The following MTMR7 variants were observed in gnomAD, a reference collection of about 807,000 sequenced individuals.
MTMR7 encodes the protein phosphatidylinositol-3-phosphate phosphatase MTMR7.
MTMR7 carries 76 observed loss-of-function variants against 81.2 expected under a neutral mutation model. The ratio of observed to expected loss-of-function variants is 0.94; its 90% CI spans 0.78 to 1.13. The LOEUF is 1.13. Ranked by LOEUF, MTMR7 falls within the 50% of genes most tolerant of loss-of-function variation. The probability of loss-of-function intolerance (pLI) is 0.00; values close to 1 mark genes in which losing one functional copy is unlikely to be tolerated. For synonymous variants in MTMR7, 372 were observed against 289.8 expected (o/e 1.28, Z -2.88); for missense variants, 1,044 against 820.0 (o/e 1.27, Z -3.34).
chr8:17,371,991 C>G (rs1242825943), intron 2 of MTMR7, among the ~76,000 whole-genome samples: 3 of 150,882 alleles, frequency 2.0e-5, no homozygotes, highest in African/African-American at 7.3e-5. Flanking sequence ...CTTTTGGAAA[C>G]TTTGTGCCCT....
chr8:17,322,927 C>G (rs1003554857), intron 7 of MTMR7, among the ~76,000 whole-genome samples: 1 of 150,560 alleles, frequency 6.6e-6, no homozygotes, highest in Non-Finnish European at 1.5e-5. Context: ...TCACAACCTC[C>G]CATCTAGAGT....
At chr8:17,384,086 A>G (rs1820850632) in intron 1 of MTMR7, among the ~76,000 whole-genome samples, 1 of 152,164 alleles carries the variant, frequency 6.6e-6, no homozygotes, top group Non-Finnish European at 1.5e-5. Flanking sequence ...AGAGAGGGGA[A>G]AAAAGCATAC....
At chr8:17,406,444 C>G (rs529288685) in intron 1 of MTMR7, among the ~76,000 whole-genome samples, 2 of 152,056 alleles carry the variant, frequency 1.3e-5, no homozygotes, top group South Asian at 2.1e-4. Flanking sequence ...GATGAGATAC[C>G]ACTTCACACC....
chr8:17,367,114 A>G (rs1820251607), intron 3 of MTMR7, among the ~76,000 whole-genome samples: 1 of 152,190 alleles, frequency 6.6e-6, no homozygotes, highest in Non-Finnish European at 1.5e-5. Context: ...AAGATTGCTT[A>G]AACATCAATG....
intron 4 of MTMR7, among the ~76,000 whole-genome samples, chr8:17,351,204 G>A (rs1469814198): frequency 1.3e-5 from 2 of 152,194 alleles, no homozygotes; most frequent in African/African-American, 4.8e-5. Flanking sequence ...ATTCTTCCTT[G>A]TAACAACACT....
In MTMR7 at chr8:17,402,210, G is replaced by C. The variant is rs190721755; in HGVS notation, c.24+11059C>G. ...CACATCATGGTAAATGGGGTATCTA[G>C]CTCCTGAAACGTTTATTCTTTGTGT... On this transcript the variant is annotated intron_variant, in intron 1 of 13. Coordinates refer to ENST00000180173, the MANE Select transcript of MTMR7 (RefSeq NM_004686.5). 5.8e-4 allele frequency among the ~76,000 whole-genome samples: 89 copies of C among 152,152 alleles called. No individual in the cohort carries two copies. The East Asian group carries it at 7.5e-3, about 13-fold the overall frequency.
chr8:17,325,558 C>G (rs1818638591), intron 7 of MTMR7, among the ~76,000 whole-genome samples: 1 of 152,216 alleles, frequency 6.6e-6, no homozygotes, highest in Non-Finnish European at 1.5e-5. Context: ...CAGTCCCTGA[C>G]CGTACGATCG....
chr8:17,399,990 T>G (rs1233324000), intron 1 of MTMR7, among the ~76,000 whole-genome samples: 1 of 152,190 alleles, frequency 6.6e-6, no homozygotes, highest in Non-Finnish European at 1.5e-5. Flanking sequence ...CTATATACAT[T>G]TTAAAGATTT....
At chr8:17,352,596 C>A (rs537838317) in intron 4 of MTMR7, among the ~76,000 whole-genome samples, 1 of 152,074 alleles carries the variant, frequency 6.6e-6, no homozygotes, top group South Asian at 2.1e-4. Flanking sequence ...AAATACTAGA[C>A]AAATGGAACC....
rs1415864821 is a variant in MTMR7 at position 17,341,373 on chromosome 8, G to T, written c.722C>A (p.Thr241Asn). Residue 241 changes from threonine (T) to asparagine (N), a missense_variant, in exon 6 of 14, where the codon ACC (threonine) becomes AAC (asparagine). By Grantham distance (65) the Thr-to-Asn change is moderately conservative. Transcript: ENST00000180173. ...PGSDFVYVVDTRPKLNAMANR... is the reference protein window; with the variant it reads ...PGSDFVYVVDNRPKLNAMANR... ...AACGGTGACACTTACTTTAGGCCGG[G>T]TGTCAACGACATAAACGAAGTCACT... 6.2e-7 allele frequency: 1 copy of T among 1,614,150 alleles called. No homozygotes were observed. Among genetic ancestry groups the T allele is most frequent in the Non-Finnish European group, 8.5e-7 (1 of 1,179,982 alleles).
intron 1 of MTMR7, among the ~76,000 whole-genome samples, chr8:17,412,564 C>A (rs1395452282): frequency 6.6e-6 from 1 of 152,176 alleles, no homozygotes; most frequent in Non-Finnish European, 1.5e-5. Flanking sequence ...TGTTAATTTA[C>A]TGGAGTGATC....
chr8:17,396,711 C>A (rs1025055788), intron 1 of MTMR7, among the ~76,000 whole-genome samples: 1 of 152,010 alleles, frequency 6.6e-6, no homozygotes, highest in Non-Finnish European at 1.5e-5. Context: ...AGTCAGCGGA[C>A]TGGGGTAGCG....
chr8:17,395,484 G>A (rs556455631), intron 1 of MTMR7, among the ~76,000 whole-genome samples: 5 of 152,258 alleles, frequency 3.3e-5, no homozygotes, highest in African/African-American at 1.2e-4. Context: ...AACTTTTTGA[G>A]AAACTACCAA....
intron 5 of MTMR7, among the ~76,000 whole-genome samples, chr8:17,345,228 C>A (rs1391555082): frequency 6.6e-6 from 1 of 152,234 alleles, no homozygotes. Context: ...AGTTCCCTGC[C>A]ACGCTCTGCT....
At chr8:17,377,944 T>C (rs1401892264) in intron 1 of MTMR7, among the ~76,000 whole-genome samples, 5 of 152,336 alleles carry the variant, frequency 3.3e-5, no homozygotes, top group Admixed American at 1.3e-4. Flanking sequence ...GAGATAATCA[T>C]ATTGAGCATA....
At position 17,401,199 on chromosome 8, in the gene MTMR7, T is replaced by C. The variant is rs117524452; in HGVS notation, c.24+12070A>G. Among the ~76,000 whole-genome samples the C allele has an allele frequency of 3.2e-3, 492 of 152,106 alleles. 1 individual carries two copies. Among genetic ancestry groups the C allele is most frequent in the Middle Eastern group, 6.8e-3 (2 of 294 alleles). ...GGTAAAGTATGTTGGTTGAGGTGAGTTAGGATTGTTATTTTATATGTGATG... is the reference window on the plus strand; with the variant it reads ...GGTAAAGTATGTTGGTTGAGGTGAGCTAGGATTGTTATTTTATATGTGATG... On this transcript the variant is annotated intron_variant, in intron 1 of 13. Transcript: ENST00000180173.
chr8:17,372,542 C>A (rs181605494), intron 2 of MTMR7, among the ~76,000 whole-genome samples: 1 of 151,932 alleles, frequency 6.6e-6, no homozygotes, highest in Non-Finnish European at 1.5e-5. Flanking sequence ...GAGCTGAGAT[C>A]GCATCACTGC....
intron 1 of MTMR7, among the ~76,000 whole-genome samples, chr8:17,412,807 C>T (rs954708953): frequency 6.6e-6 from 1 of 152,174 alleles, no homozygotes; most frequent in Non-Finnish European, 1.5e-5. Flanking sequence ...GCCGGGTGGG[C>T]CTGACACCCT....
At chr8:17,325,638 C>A (rs1336426420) in intron 7 of MTMR7, among the ~76,000 whole-genome samples, 2 of 152,198 alleles carry the variant, frequency 1.3e-5, no homozygotes, top group African/African-American at 4.8e-5. Context: ...GCTCCACTGT[C>A]AGGCTAAGAT....
Sources: allele counts gnomAD v4.1 joint callset (sites outside exome capture counted in the v4.1 genomes callset), GRCh38; gene constraint gnomAD v4.1.1; transcripts MANE v1.5; gene names NCBI Gene and HGNC (gene_info 2026-07-23, HGNC 2026-07-21).